DNM1L: variants seen among roughly 807,000 people sequenced by gnomAD.
DNM1L encodes the protein dynamin-1-like protein.
Under a neutral mutation model 92.8 loss-of-function variants are expected in DNM1L, and 33 were observed. The ratio of observed to expected loss-of-function variants is 0.36; its 90% CI spans 0.27 to 0.48. DNM1L has a LOEUF of 0.48. Ranked by LOEUF, DNM1L falls within the 20% of genes least tolerant of loss-of-function variation. The pLI, the probability that DNM1L is intolerant of heterozygous loss-of-function variation, is 0.99. For missense variants in DNM1L, 485 were observed against 888.8 expected (o/e 0.55, Z 5.78); for synonymous variants, 284 against 305.0 (o/e 0.93, Z 0.72).
Position 32,742,628 on chromosome 12 carries a change from G to T in DNM1L, c.2034G>T (p.Val678=), listed in dbSNP as rs781656285. The change falls in exon 19 of 20, where the codon GTG becomes GTT. Residue 678 remains valine, a synonymous_variant. Transcript: ENST00000549701. The part of the protein sequence containing the change: ...KAVMHFLVNH[V]KDTLQSELVG... ...TAATGCATTTTTTGGTTAATCATGT[G>T]AAAGACACTCTTCAGAGTGAGCTAG... The T allele has an allele frequency of 6.2e-7, 1 of 1,614,100 alleles. No homozygotes were observed. The highest frequency in any genetic ancestry group is 8.5e-7 in the Non-Finnish European group (1 of 1,180,006).
intron 16 of DNM1L, 63 bp from the exon 17 acceptor site, chr12:32,740,001 A>G: frequency 6.2e-7 from 1 of 1,606,830 alleles, no homozygotes; most frequent in South Asian, 1.1e-5. Context: ...AAATAAAATG[A>G]ACTTTGTTTT....
At position 32,679,481 on chromosome 12, in the gene DNM1L, G is replaced by A. The variant is rs1951717560; in HGVS notation, c.102+16G>A. The A allele has an allele frequency of 6.2e-7, 1 of 1,605,226 alleles. No individual in the cohort carries two copies. Among genetic ancestry groups the A allele is most frequent in the Non-Finnish European group, 8.5e-7 (1 of 1,176,066 alleles). On this transcript the variant is annotated intron_variant, in intron 1 of 19. Transcript: ENST00000549701. ...GGGAACGCAGGTGAGAGCAGCAGGC[G>A]GCGTTCGCTCGGGCCAGACCCCGGC...
At chr12:32,701,691 T>A in intron 2 of DNM1L, 129 bp downstream of exon 2, 1 of 827,592 alleles carries the variant, frequency 1.2e-6, no homozygotes, top group Non-Finnish European at 2.0e-6. Context: ...TGAGAAGTAG[T>A]ATGCATCTTT....
intron 2 of DNM1L, among the ~76,000 whole-genome samples, chr12:32,704,740 G>C (rs1375919975): frequency 1.3e-5 from 2 of 152,166 alleles, no homozygotes; most frequent in African/African-American, 4.8e-5. Flanking sequence ...TGCATAGGGT[G>C]CTGTGATACA....
chr12:32,706,703 C>T lies in DNM1L; in HGVS notation c.251-664C>T, dbSNP rs549175213. ...TCCTGCCTCCAGTTCCAAGGGAAAA[C>T]AGTCTTGACCCTGGGGGAAAATCAC... is the stretch of plus-strand genomic sequence containing the variant. On this transcript the variant is annotated intron_variant, in intron 2 of 19. Transcript: ENST00000549701. 8 of 454,578 alleles carry T rather than the reference C, an allele frequency of 1.8e-5. No individual in the cohort carries two copies. In the East Asian group the frequency reaches 5.6e-4, roughly 32 times the overall value. The allele number at this position is 454,578 out of a possible 1,614,324, so 28.2% of individuals were successfully genotyped here. A position where few individuals can be genotyped will look rare whatever the true frequency, so the allele number is the denominator to read the frequency against.
rs767915541 is a variant in DNM1L at position 32,701,573 on chromosome 12, G to A, written c.250+11G>A. ...CAGGAGAAGAAAATGGTAAATTTCA[G>A]ATTTGAGATAATTATTTTACAGCTC... On this transcript the variant is annotated intron_variant, in intron 2 of 19. Transcript: ENST00000549701. 6 of 1,606,372 alleles carry A rather than the reference G, an allele frequency of 3.7e-6. No homozygotes were observed. In the African/African-American group the frequency reaches 8.0e-5, roughly 22 times the overall value.
chr12:32,712,649 CAAAAAAAAAAAAA>C (rs59906286), intron 5 of DNM1L, among the ~76,000 whole-genome samples: 2 of 29,780 alleles, frequency 6.7e-5, no homozygotes, highest in Non-Finnish European at 1.3e-4. Flanking sequence ...GACCCTGTCT[CAAAAAAAAAAAAA>C]AAAAAAAAAA....
intron 1 of DNM1L, among the ~76,000 whole-genome samples, chr12:32,686,969 C>T (rs1418246067): frequency 2.5e-5 from 3 of 121,086 alleles, no homozygotes; most frequent in Non-Finnish European, 4.8e-5. Flanking sequence ...GATGGAGTCT[C>T]GCTCTGTTGC....
chr12:32,690,455 G>A (rs73082818), intron 1 of DNM1L, among the ~76,000 whole-genome samples: 72 of 152,204 alleles, frequency 4.7e-4, no homozygotes, highest in Non-Finnish European at 8.1e-4. Context: ...ATTGCTCCCA[G>A]TTGCCTTCCC....
intron 2 of DNM1L, chr12:32,705,772 A>C (rs1952897147): frequency 6.5e-7 from 1 of 1,529,222 alleles, no homozygotes. Context: ...TAAGGTTTAA[A>C]ATTTTAGGGA....
rs796892155 is a variant in DNM1L, at chr12:32,713,720, C to T, written c.619+349C>T. 2.0e-5 allele frequency among the ~76,000 whole-genome samples: 3 copies of T among 151,932 alleles called. No homozygotes were observed. The South Asian group carries it at 6.2e-4, about 32-fold the overall frequency. On this transcript the variant is annotated intron_variant, in intron 6 of 19. Coordinates refer to ENST00000549701, the MANE Select transcript of DNM1L (RefSeq NM_012062.5). The stretch of plus-strand genomic sequence containing the variant: ...CATAGCCAGGTGTGGTCACATGTGC[C>T]TGCCGTCCCAGCTACTCAGAAGGCT...
At chr12:32,742,881 T>A (rs1955404784) in intron 19 of DNM1L, 133 bp downstream of exon 19, 5 of 606,052 alleles carry the variant, frequency 8.3e-6, no homozygotes, top group Non-Finnish European at 1.1e-5. Context: ...TGGTACTTGA[T>A]AAGAATCTTT....
At chr12:32,713,092 T>C (rs1439695184) in intron 5 of DNM1L, 117 bp from the exon 6 acceptor site, 12 of 992,880 alleles carry the variant, frequency 1.2e-5, no homozygotes, top group African/African-American at 1.6e-5. Flanking sequence ...GTAATGTCTT[T>C]ATTTTTATTT....
intron 1 of DNM1L, chr12:32,692,527 G>A (rs1952274115): frequency 1.3e-5 from 2 of 153,692 alleles, no homozygotes; most frequent in Admixed American, 1.3e-4. Flanking sequence ...AACTCCACTG[G>A]AGTCAGGGAT....
chr12:32,696,572 C>T (rs1472232440), intron 1 of DNM1L, among the ~76,000 whole-genome samples: 2 of 151,192 alleles, frequency 1.3e-5, no homozygotes, highest in Non-Finnish European at 2.9e-5. Flanking sequence ...TGCACTCCAG[C>T]CTGGGCAACA....
At chr12:32,724,761 A>T (rs1446762374) in intron 9 of DNM1L, among the ~76,000 whole-genome samples, 1 of 150,396 alleles carries the variant, frequency 6.6e-6, no homozygotes, top group Non-Finnish European at 1.5e-5. Flanking sequence ...TAGTTGTCAA[A>T]GCATGGTGTG....
chr12:32,720,799 A>AT lies in DNM1L; in HGVS notation c.872+11dup, dbSNP rs765597940. On this transcript the variant is annotated splice_donor_region_variant and intron_variant, in intron 8 of 19. Coordinates refer to ENST00000549701, the MANE Select transcript of DNM1L (RefSeq NM_012062.5). ...ATCTTGCTAGGACTCTAAACAGGTA[A>AT]TTTTTTTACCTTTTGGAAATGAGAT... The AT allele has an allele frequency of 2.5e-6, 4 of 1,612,596 alleles. No homozygotes were observed. In the African/African-American group the frequency reaches 5.3e-5, roughly 22 times the overall value.
At chr12:32,733,170 TTTTTATTTTCCTC>T (rs756591991) in intron 12 of DNM1L, among the ~76,000 whole-genome samples, 2 of 152,230 alleles carry the variant, frequency 1.3e-5, no homozygotes, top group Non-Finnish European at 2.9e-5. Flanking sequence ...TAACTTTTCT[TTTTTATTTTCCTC>T]TTAGGATTTT....
intron 2 of DNM1L, among the ~76,000 whole-genome samples, chr12:32,705,150 G>A (rs1195628312): frequency 6.6e-6 from 1 of 151,852 alleles, no homozygotes; most frequent in African/African-American, 2.4e-5. Flanking sequence ...TTACAGGCGT[G>A]TGCCACTACG....
Sources: gnomAD v4.1 joint callset for allele counts (sites outside exome capture counted in the v4.1 genomes callset) on GRCh38, gnomAD v4.1.1 for gene constraint, MANE v1.5 for transcripts, NCBI Gene and HGNC (gene_info 2026-07-23, HGNC 2026-07-21) for gene names.